Variants in JAK1 observed in about 807,000 individuals in gnomAD.
The protein encoded by JAK1 is Janus kinase 1.
In JAK1, 16 loss-of-function variants were observed where a neutral mutation model predicts 136.6. That is an observed-to-expected ratio of 0.12 (90% CI 0.08 to 0.18). JAK1 has a LOEUF of 0.18. JAK1 is among the 10% of genes least tolerant of loss of function. The pLI, the probability that JAK1 is intolerant of heterozygous loss-of-function variation, is 1.00. For missense variants in JAK1, 859 were observed against 1,450.1 expected (o/e 0.59, Z 6.62); for synonymous variants, 492 against 519.5 (o/e 0.95, Z 0.72).
rs915474621 is a variant in JAK1 at position 64,857,551 on chromosome 1, G to C, written c.1458+105C>G. ...TCTTCTCAGAGACCCAGGCTTTTCAGTTCCACCCTGCCAAGGGTGGTTCTG... is the reference window on the plus strand; with the variant it reads ...TCTTCTCAGAGACCCAGGCTTTTCACTTCCACCCTGCCAAGGGTGGTTCTG... On this transcript the variant is annotated intron_variant, in intron 10 of 24. Transcript: ENST00000342505. 2.0e-6 allele frequency: 3 copies of C among 1,472,472 alleles called. No homozygotes were observed. In the African/African-American group the frequency reaches 4.2e-5, roughly 21 times the overall value. The allele number at this position is 1,472,472 out of a possible 1,614,324, so 91.2% of individuals were successfully genotyped here. A position where few individuals can be genotyped will look rare whatever the true frequency, so the allele number is the denominator to read the frequency against.
intron 1 of JAK1, among the ~76,000 whole-genome samples, chr1:64,934,160 T>C (rs1316591720): frequency 6.6e-6 from 1 of 152,170 alleles, no homozygotes; most frequent in African/African-American, 2.4e-5. Flanking sequence ...AAGCAACTCC[T>C]GTTCCTGGTC....
chr1:65,040,166 G>A (rs1232124265), intron 2 of JAK1, among the ~76,000 whole-genome samples: 1 of 151,258 alleles, frequency 6.6e-6, no homozygotes, highest in African/African-American at 2.4e-5. Context: ...AGTGAGCCAA[G>A]ATTGCCCCAC....
chr1:65,017,238 G>A (rs1022973067), intron 2 of JAK1, among the ~76,000 whole-genome samples: 1 of 152,182 alleles, frequency 6.6e-6, no homozygotes, highest in Admixed American at 6.5e-5. Flanking sequence ...GGCCTCCGAG[G>A]CAGGTGAACC....
At chr1:64,850,659 G>A (rs1557632473) in intron 12 of JAK1, 145 bp downstream of exon 12, 7 of 644,504 alleles carry the variant, frequency 1.1e-5, no homozygotes, top group South Asian at 1.8e-5. Flanking sequence ...ATGGTTGTAC[G>A]GCTTTTGCCA....
chr1:64,976,866 C>T (rs371434164), intron 2 of JAK1, among the ~76,000 whole-genome samples: 10 of 152,258 alleles, frequency 6.6e-5, no homozygotes, highest in South Asian at 2.1e-4. Context: ...AGCCACCCCA[C>T]GATAAGTTTA....
At chr1:64,929,254 A>G (rs947588811) in intron 1 of JAK1, among the ~76,000 whole-genome samples, 1 of 152,224 alleles carries the variant, frequency 6.6e-6, no homozygotes, top group Non-Finnish European at 1.5e-5. Context: ...GTGACCATAC[A>G]TTATCATCTG....
At chr1:64,976,830 A>T (rs1307158998) in intron 2 of JAK1, among the ~76,000 whole-genome samples, 1 of 152,114 alleles carries the variant, frequency 6.6e-6, no homozygotes, top group South Asian at 2.1e-4. Flanking sequence ...ACCCAGGTTA[A>T]CAACCACCTT....
intron 1 of JAK1, among the ~76,000 whole-genome samples, chr1:64,948,562 G>A (rs1646026904): frequency 6.6e-6 from 1 of 152,112 alleles, no homozygotes. Flanking sequence ...TCAAACACAA[G>A]GAATACTATC....
chr1:64,880,504 C>T (rs2780831), intron 3 of JAK1, among the ~76,000 whole-genome samples: 51,992 of 152,020 alleles, frequency 0.34, 9,442 homozygotes, highest in African/African-American at 0.45. Flanking sequence ...CTTATTTTAA[C>T]CATGGAACTG....
At chr1:64,878,565 A>ATATATG (rs1557657847) in intron 4 of JAK1, among the ~76,000 whole-genome samples, 51 of 17,766 alleles carry the variant, frequency 2.9e-3, no homozygotes, top group East Asian at 0.021. Flanking sequence ...TAGTGTGTAT[A>ATATATG]TATATATATA....
chr1:65,017,339 C>T (rs1646899441), intron 2 of JAK1, among the ~76,000 whole-genome samples: 1 of 151,924 alleles, frequency 6.6e-6, no homozygotes, highest in South Asian at 2.1e-4. Context: ...CATGGTGGCA[C>T]AGCCTGTAGT....
chr1:65,040,142 G>A lies in JAK1; in HGVS notation c.-78+4338C>T, dbSNP rs1647116169. On this transcript the variant is annotated intron_variant, in intron 2 of 25. Coordinates refer to the JAK1 transcript ENST00000671954. Reference sequence around the variant, plus strand: ...AGGCAGGAGAATCCCTTGAAATTAGGAGGTGGAGGTTGTAGTGAGCCAAGA... The same window carrying A: ...AGGCAGGAGAATCCCTTGAAATTAGAAGGTGGAGGTTGTAGTGAGCCAAGA... 2.0e-5 allele frequency among the ~76,000 whole-genome samples: 3 copies of A among 151,918 alleles called. No individual in the cohort carries two copies. In the South Asian group the frequency reaches 6.2e-4, roughly 32 times the overall value.
Position 64,835,445 on chromosome 1 carries a change from G to A in JAK1, c.3320C>T (p.Thr1107Met), listed in dbSNP as rs1198988820. 4 of 1,609,414 alleles carry A rather than the reference G, an allele frequency of 2.5e-6. No individual in the cohort carries two copies. The highest frequency in any genetic ancestry group is 3.4e-6 in the Non-Finnish European group (4 of 1,178,576). The change falls in exon 24 of 25, where the codon ACG becomes ATG. Residue 1107 changes from threonine (T) to methionine (M), a missense_variant. Physicochemically the swap from Thr to Met is moderately conservative, Grantham distance 81. Transcript: ENST00000342505. ...GQMTVTRLVNTLKEGKRLPCP... is the reference protein window; with the variant it reads ...GQMTVTRLVNMLKEGKRLPCP... ...CGGCAGGCGTTTTCCTTCTTTTAAC[G>A]TATTCACAAGTCTTGTGACTGTCAT...
chr1:64,868,905 G>A (rs1047555348), intron 6 of JAK1, among the ~76,000 whole-genome samples: 1 of 152,166 alleles, frequency 6.6e-6, no homozygotes, highest in Non-Finnish European at 1.5e-5. Context: ...CTACTGTAAC[G>A]TGTTCAGAGT....
chr1:65,067,489 A>G (rs1056095819), intron 1 of JAK1: 4 of 146,482 alleles, frequency 2.7e-5, no homozygotes, highest in African/African-American at 9.9e-5. Context: ...TCGGACGTCC[A>G]CACTCTGCGC....
chr1:64,844,179 C>T lies in JAK1; in HGVS notation c.2288G>A (p.Cys763Tyr). The T allele has an allele frequency of 1.9e-6, 3 of 1,614,238 alleles. No homozygotes were observed. Among genetic ancestry groups the T allele is most frequent in the Admixed American group, 1.7e-5 (1 of 60,026 alleles). Residue 763 changes from cysteine (C) to tyrosine (Y), a missense_variant, in exon 17 of 25, where the codon TGT (cysteine) becomes TAT (tyrosine). This residue lies in a region of JAK1 where 409 missense variants were observed against 753.8 expected (regional missense o/e 0.54). Coordinates refer to ENST00000342505, the MANE Select transcript of JAK1 (RefSeq NM_002227.4). This position sits in a 1 kb window ranked among gnomAD's most constrained non-coding sequence, Gnocchi z 5.7. ...ACTCAGGTTCTTGGAGTCCTCAACA[C>T]ACTCAGGAGCAATCCATGGGATTCG... ...IERIPWIAPE[C>Y]VEDSKNLSVA... is the part of the protein sequence containing the mutation.
At chr1:65,013,298 G>A (rs186178361) in intron 2 of JAK1, among the ~76,000 whole-genome samples, 1 of 150,134 alleles carries the variant, frequency 6.7e-6, no homozygotes, top group Non-Finnish European at 1.5e-5. Context: ...TCAGGAGGTT[G>A]AGGCAGGAGA....
intron 1 of JAK1, among the ~76,000 whole-genome samples, chr1:64,925,442 T>C (rs990311260): frequency 1.3e-5 from 2 of 151,496 alleles, no homozygotes; most frequent in African/African-American, 4.9e-5. Flanking sequence ...TTTAAGAAAA[T>C]AAAGCCTTAA....
chr1:65,046,153 T>C (rs576214141), intron 1 of JAK1, among the ~76,000 whole-genome samples: 23 of 152,336 alleles, frequency 1.5e-4, no homozygotes, highest in African/African-American at 5.1e-4. Context: ...ACATCACTAT[T>C]ATTTTTCATA....
Sources: gnomAD v4.1 joint callset for allele counts (sites outside exome capture counted in the v4.1 genomes callset) on GRCh38, gnomAD v4.1.1 for gene constraint, gnomAD v4.1.1 regional missense constraint, Gnocchi (gnomAD v3.1) non-coding constraint, MANE v1.5 for transcripts, NCBI Gene and HGNC (gene_info 2026-07-23, HGNC 2026-07-21) for gene names.